The following GOLGA3 variants were observed in gnomAD, a reference collection of about 807,000 sequenced individuals.
The protein encoded by GOLGA3 is golgin subfamily A member 3.
A neutral mutation model predicts 169.4 loss-of-function variants in GOLGA3; 75 were observed. The ratio of observed to expected loss-of-function variants is 0.44; its 90% CI spans 0.37 to 0.54. The LOEUF (loss-of-function observed/expected upper bound fraction) is 0.54, where lower values mean the gene tolerates loss of function less well. GOLGA3 is among the 20% of genes least tolerant of loss of function. The pLI is 0.00. For synonymous variants in GOLGA3, 824 were observed against 822.4 expected, an observed-to-expected ratio of 1.00 and a Z score of -0.03; for missense variants, 1,899 against 1,930.0, an observed-to-expected ratio of 0.98 and a Z score of 0.30.
chr12:132,779,279 A>G (rs1340143492), intron 18 of GOLGA3, among the ~76,000 whole-genome samples: 2 of 152,184 alleles, frequency 1.3e-5, no homozygotes, highest in Non-Finnish European at 2.9e-5. Context: ...GGGTTTCTCC[A>G]TGTTGGTCAG....
intron 11 of GOLGA3, 83 bp downstream of exon 11, chr12:132,795,769 G>T: frequency 3.0e-6 from 4 of 1,347,154 alleles, no homozygotes; most frequent in African/African-American, 1.5e-5. Context: ...AAAAAAAAAA[G>T]AAAGAAAGAA....
chr12:132,791,409 G>A (rs2046225340), intron 11 of GOLGA3, 116 bp from the exon 12 acceptor site: 1 of 603,062 alleles, frequency 1.7e-6, no homozygotes, highest in African/African-American at 1.9e-5. Flanking sequence ...ATGTTACAGA[G>A]AGCTCCAGGA....
In GOLGA3 at chr12:132,825,591, T is replaced by C. The variant is rs1375068359; in HGVS notation, c.-184+3212A>G. The C allele has an allele frequency of 3.0e-5, 19 of 629,360 alleles. No homozygotes were observed. In the Admixed American group the frequency reaches 5.2e-4, roughly 17 times the overall value. 39.0% of individuals were successfully genotyped at this position (629,360 alleles called of 1,614,324 possible). A position where few individuals can be genotyped will look rare whatever the true frequency, so the allele number is the denominator to read the frequency against. On this transcript the variant is annotated intron_variant, in intron 1 of 23. Coordinates refer to ENST00000450791, the MANE Select transcript of GOLGA3 (RefSeq NM_001389683.1). Reference sequence around the variant, plus strand: ...GGAGCATCAACACTGCCTTTTAAAATACAGCAAAGTCTAAACTAGTCCAGC... The same window carrying C: ...GGAGCATCAACACTGCCTTTTAAAACACAGCAAAGTCTAAACTAGTCCAGC...
At position 132,808,296 on chromosome 12, in the gene GOLGA3, T is replaced by C; in HGVS notation, c.773A>G (p.Asn258Ser). 3.7e-6 allele frequency: 6 copies of C among 1,614,130 alleles called. No individual in the cohort carries two copies. Among genetic ancestry groups the C allele is most frequent in the Non-Finnish European group, 5.1e-6 (6 of 1,180,020 alleles). ...GGGAGCCGGGACATTTCCCCCAGAA[T>C]TCCCCGCATTTGAATCTTCAGTTCT... The part of the protein sequence containing the change: ...DYRTEDSNAG[N>S]SGGNVPAPDS... Residue 258 changes from asparagine to serine, a missense_variant, in exon 5 of 24, where the codon AAT (asparagine) becomes AGT (serine). By Grantham distance (46) the Asn-to-Ser change is conservative. Coordinates refer to ENST00000450791, the MANE Select transcript of GOLGA3 (RefSeq NM_001389683.1).
At chr12:132,813,793 C>T (rs1266246397) in intron 3 of GOLGA3, among the ~76,000 whole-genome samples, 3 of 145,342 alleles carry the variant, frequency 2.1e-5, no homozygotes, top group Admixed American at 7.1e-5. Context: ...GGCATGATCT[C>T]GGCTCACAGC....
chr12:132,828,157 C>T (rs1257987443), intron 1 of GOLGA3, among the ~76,000 whole-genome samples: 1 of 152,138 alleles, frequency 6.6e-6, no homozygotes, highest in Non-Finnish European at 1.5e-5. Flanking sequence ...ACGGAAGTCG[C>T]CCGCCCCCCA....
At chr12:132,796,780 G>A in intron 9 of GOLGA3, 80 bp from the exon 10 acceptor site, 1 of 1,371,426 alleles carries the variant, frequency 7.3e-7, no homozygotes, top group South Asian at 1.3e-5. Flanking sequence ...GCTCTGCAGA[G>A]AAACCCACCG....
intron 13 of GOLGA3, 127 bp from the exon 14 acceptor site, chr12:132,786,914 A>T (rs1405027214): frequency 3.0e-6 from 2 of 675,518 alleles, no homozygotes; most frequent in East Asian, 2.5e-5. Flanking sequence ...TTGGGCCTTG[A>T]GAAAAATCCT....
In GOLGA3 at chr12:132,807,406, G is replaced by T; in HGVS notation, c.1179-118C>A. On this transcript the variant is annotated intron_variant, in intron 5 of 23. Transcript: ENST00000450791. ...CTCTCTCCCAATTTTTTAAAATTAA[G>T]TAAGAGATTTAAGTAGAGAGCTGAG... 3 of 559,946 alleles carry T rather than the reference G, an allele frequency of 5.4e-6. No homozygotes were observed. The South Asian group carries it at 7.9e-5, about 15-fold the overall frequency. The allele number at this position is 559,946 out of a possible 1,614,324, so 34.7% of individuals were successfully genotyped here.
intron 13 of GOLGA3, 62 bp from the exon 14 acceptor site, chr12:132,786,849 T>A: frequency 8.6e-7 from 1 of 1,163,686 alleles, no homozygotes; most frequent in Non-Finnish European, 1.3e-6. Context: ...CTCCCCTTCC[T>A]GGCTCCAGCC....
chr12:132,781,748 T>TGGG (rs2045618494), intron 17 of GOLGA3, among the ~76,000 whole-genome samples: 1 of 152,172 alleles, frequency 6.6e-6, no homozygotes, highest in Non-Finnish European at 1.5e-5. Flanking sequence ...AGCCTAGTCC[T>TGGG]CAATTCAGAG....
chr12:132,779,555 G>T (rs2045432440), intron 18 of GOLGA3, among the ~76,000 whole-genome samples: 1 of 152,228 alleles, frequency 6.6e-6, no homozygotes. Context: ...AGGCCGAAAA[G>T]TTTGAATTGT....
In GOLGA3 at chr12:132,777,358, G is replaced by C. The variant is rs200654251; in HGVS notation, c.3723-268C>G. On this transcript the variant is annotated intron_variant, in intron 19 of 23. Transcript: ENST00000450791. The surrounding 1 kb of genome is among the most constrained non-coding windows in gnomAD (Gnocchi z 4.7). Reference sequence around the variant, plus strand: ...ACAGATCCCAGAGAGTGCCGGCCCCGAGACCACAGTGCATGGGACCCACAG... The same window carrying C: ...ACAGATCCCAGAGAGTGCCGGCCCCCAGACCACAGTGCATGGGACCCACAG... 2.0e-5 allele frequency among the ~76,000 whole-genome samples: 3 copies of C among 151,252 alleles called. No homozygotes were observed. In the East Asian group the frequency reaches 5.8e-4, roughly 29 times the overall value.
rs748686434 is a variant in GOLGA3 at position 132,822,009 on chromosome 12, C to G, written c.120G>C (p.Gln40His). Reference protein sequence around the residue: ...PPGPLVPPDQQDKVQCAEVNR... With the variant: ...PPGPLVPPDQHDKVQCAEVNR... ...CTCACGACTTACACTGGACTTTGTC[C>G]TGCTGGTCAGGTGGCACCAGTGGGC... Residue 40 changes from glutamine (Q) to histidine (H), a missense_variant, in exon 2 of 24, where the codon CAG becomes CAC. Physicochemically the swap from Gln to His is conservative, Grantham distance 24. Transcript: ENST00000450791. 1 of 1,607,360 alleles carries G rather than the reference C, an allele frequency of 6.2e-7. No individual in the cohort carries two copies. The highest frequency in any genetic ancestry group is 8.5e-7 in the Non-Finnish European group (1 of 1,177,212).
rs1412075918 is a variant in GOLGA3, at chr12:132,773,148, C to T, written c.4454G>A (p.Arg1485Lys). Residue 1485 changes from arginine to lysine, a missense_variant, in exon 24 of 24, where the codon AGA (arginine) becomes AAA (lysine). By Grantham distance (26) the Arg-to-Lys change is conservative. Transcript: ENST00000450791. ...GHAGPRGDPQ[R>K]HSQSRASKEG... is the part of the protein sequence containing the mutation. ...TTTGGAAGCCCTGCTCTGACTGTGT[C>T]TCTGTGGGTCGCCGCGTGGGCCGGC... 6.3e-7 allele frequency: 1 copy of T among 1,586,664 alleles called. No individual in the cohort carries two copies. Among genetic ancestry groups the T allele is most frequent in the African/African-American group, 1.3e-5 (1 of 74,328 alleles).
At chr12:132,824,571 G>T (rs1038153377) in intron 1 of GOLGA3, among the ~76,000 whole-genome samples, 3 of 152,154 alleles carry the variant, frequency 2.0e-5, no homozygotes, top group Admixed American at 1.3e-4. Context: ...AGGGTGCCTG[G>T]CACATAAAAA....
chr12:132,781,115 G>A (rs1447629010), intron 17 of GOLGA3, among the ~76,000 whole-genome samples: 3 of 152,238 alleles, frequency 2.0e-5, no homozygotes, highest in African/African-American at 4.8e-5. Flanking sequence ...TCAAGAACGT[G>A]GCACGCCTGT....
rs2044817326 is a variant in GOLGA3 at position 132,769,775 on chromosome 12, T to C, written c.*3330A>G. ...GGTGACCCTGTTTTGTAAGCAGTAC[T>C]CCCAACTTCACTGCCTTTTCCGTGA... On this transcript the variant is annotated 3_prime_UTR_variant, in exon 24 of 24. Coordinates refer to ENST00000450791, the MANE Select transcript of GOLGA3 (RefSeq NM_001389683.1). 1 of 152,162 alleles carries C rather than the reference T, an allele frequency of 6.6e-6. No individual in the cohort carries two copies. The highest frequency in any genetic ancestry group is 2.1e-4 in the South Asian group (1 of 4,830). 9.4% of individuals were successfully genotyped at this position (152,162 alleles called of 1,614,324 possible). A position where few individuals can be genotyped will look rare whatever the true frequency, so the allele number is the denominator to read the frequency against.
At chr12:132,813,662 T>A (rs912759043) in intron 3 of GOLGA3, among the ~76,000 whole-genome samples, 2 of 151,182 alleles carry the variant, frequency 1.3e-5, no homozygotes, top group Admixed American at 6.6e-5. Context: ...TGTGATCCCA[T>A]GATGAGTACA....
Sources: gnomAD v4.1 joint callset for allele counts (sites outside exome capture counted in the v4.1 genomes callset) on GRCh38, gnomAD v4.1.1 for gene constraint, Gnocchi (gnomAD v3.1) non-coding constraint, MANE v1.5 for transcripts, NCBI Gene and HGNC (gene_info 2026-07-23, HGNC 2026-07-21) for gene names.